Variants in LARGE1 observed in about 807,000 individuals in gnomAD.
LARGE1 encodes xylosyl- and glucuronyltransferase LARGE1.
A neutral mutation model predicts 87.6 loss-of-function variants in LARGE1; 43 were observed. That is an observed-to-expected ratio of 0.49 (90% confidence interval 0.38 to 0.63). The LOEUF (loss-of-function observed/expected upper bound fraction) is 0.63. Among genes scored for constraint, LARGE1 ranks in the 30% least tolerant of loss-of-function variants. The pLI is 0.00. For missense variants in LARGE1, 802 were observed against 1,000.2 expected (o/e 0.80, Z 2.67); for synonymous variants, 434 against 394.6 (o/e 1.10, Z -1.18).
chr22:33,285,668 T>C (rs62227561), intron 12 of LARGE1, among the ~76,000 whole-genome samples: 2,547 of 152,126 alleles, frequency 0.017, 38 homozygotes, highest in South Asian at 0.028. Flanking sequence ...CCTCCATTGC[T>C]GTATTATTAA....
At chr22:33,255,239 G>A (rs575709718) in intron 11 of LARGE1, among the ~76,000 whole-genome samples, 41 of 152,168 alleles carry the variant, frequency 2.7e-4, no homozygotes, top group Middle Eastern at 3.4e-3. Context: ...TGCCTGGCCC[G>A]GGAAGTAAAC....
chr22:33,603,120 C>T (rs534818271), intron 5 of LARGE1, among the ~76,000 whole-genome samples: 1 of 152,244 alleles, frequency 6.6e-6, no homozygotes, highest in East Asian at 1.9e-4. Flanking sequence ...CAAGACAATC[C>T]CCAAATGCTA....
intron 1 of LARGE1, among the ~76,000 whole-genome samples, chr22:33,843,431 C>A (rs140314285): frequency 9.0e-6 from 1 of 111,222 alleles, no homozygotes; most frequent in African/African-American, 4.4e-5. Context: ...AGCAAGACTC[C>A]CTCTCAAAAA....
At chr22:33,795,970 C>T (rs919330096) in intron 1 of LARGE1, among the ~76,000 whole-genome samples, 3 of 147,894 alleles carry the variant, frequency 2.0e-5, no homozygotes, top group Non-Finnish European at 4.4e-5. Flanking sequence ...GCATATTGTG[C>T]ACATGTACCC....
intron 7 of LARGE1, among the ~76,000 whole-genome samples, chr22:33,410,073 C>T (rs528416475): frequency 1.3e-5 from 2 of 152,118 alleles, no homozygotes; most frequent in South Asian, 4.2e-4. Context: ...ATAGGGATCA[C>T]CTGCTTGGTT....
chr22:33,247,824 G>A (rs550180063), intron 11 of LARGE1, among the ~76,000 whole-genome samples: 1 of 152,300 alleles, frequency 6.6e-6, no homozygotes, highest in East Asian at 1.9e-4. Flanking sequence ...TAGATAACCT[G>A]ACTGGTGCCT....
intron 6 of LARGE1, among the ~76,000 whole-genome samples, chr22:33,543,975 C>T (rs2077283896): frequency 6.6e-6 from 1 of 152,236 alleles, no homozygotes; most frequent in African/African-American, 2.4e-5. Context: ...TGCTTTCCTT[C>T]TGGGAGTCTA....
At chr22:33,126,172 C>CAA in the LARGE1 span, among the ~76,000 whole-genome samples, 1 of 152,166 alleles carries the variant, frequency 6.6e-6, no homozygotes, top group Non-Finnish European at 1.5e-5. Context: ...TATGTGGCTG[C>CAA]AAAGGATGGA....
At chr22:33,258,798 C>T (rs1029265860) in intron 11 of LARGE1, among the ~76,000 whole-genome samples, 6 of 151,974 alleles carry the variant, frequency 3.9e-5, no homozygotes, top group African/African-American at 1.2e-4. Flanking sequence ...GGGTCTGGAT[C>T]GGGACCCCTT....
At chr22:33,481,169 AAGG>A (rs2069305757) in intron 6 of LARGE1, among the ~76,000 whole-genome samples, 1 of 151,516 alleles carries the variant, frequency 6.6e-6, no homozygotes. Flanking sequence ...TTCTTCCAGC[AAGG>A]AGAAGTATTT....
At chr22:33,812,711 C>A (rs2086535032) in intron 1 of LARGE1, among the ~76,000 whole-genome samples, 1 of 152,194 alleles carries the variant, frequency 6.6e-6, no homozygotes, top group African/African-American at 2.4e-5. Flanking sequence ...TATTTCATTC[C>A]ATAAGCACAG....
chr22:33,875,604 C>A (rs1303879141), intron 1 of LARGE1, among the ~76,000 whole-genome samples: 5 of 152,242 alleles, frequency 3.3e-5, no homozygotes, highest in African/African-American at 1.2e-4. Context: ...AACCAACAGG[C>A]AGCAGCCCCA....
At chr22:33,168,508 G>A (rs1922393517) in intron 11 of LARGE1, among the ~76,000 whole-genome samples, 1 of 152,214 alleles carries the variant, frequency 6.6e-6, no homozygotes, top group Non-Finnish European at 1.5e-5. Context: ...TTTCCAATGA[G>A]AAAAATGTGC....
Position 33,245,300 on chromosome 22 carries a change from C to T in LARGE1, c.1730+58929G>A, listed in dbSNP as rs147477173. On this transcript the variant is annotated intron_variant, in intron 11 of 11. Coordinates refer to the LARGE1 transcript ENST00000608642. ...CTGTTGTGTTGGAGAATGACTCTCT[C>T]GTGGAGCTTTCCTGGGTGTTTTTCT... is the stretch of plus-strand genomic sequence containing the variant. 2.0e-4 allele frequency among the ~76,000 whole-genome samples: 31 copies of T among 152,272 alleles called. No homozygotes were observed. In the South Asian group the frequency reaches 2.7e-3, roughly 13 times the overall value.
intron 11 of LARGE1, among the ~76,000 whole-genome samples, chr22:33,311,310 G>A (rs1935566435): frequency 6.6e-6 from 1 of 152,134 alleles, no homozygotes. Flanking sequence ...CAGAAGGATG[G>A]ATCCCACTGG....
chr22:33,722,376 G>A lies in LARGE1; in HGVS notation c.106+38995C>T, dbSNP rs532129947. Reference sequence around the variant, plus strand: ...GAGAGGGAGAGAGAAGAAAGGAAAGGAAGGAAAGGAAGGAAAGAAGGGAGG... The same window carrying A: ...GAGAGGGAGAGAGAAGAAAGGAAAGAAAGGAAAGGAAGGAAAGAAGGGAGG... On this transcript the variant is annotated intron_variant, in intron 2 of 14. Transcript: ENST00000397394. 7.4e-3 allele frequency among the ~76,000 whole-genome samples: 1,115 copies of A among 150,226 alleles called. 9 individuals are homozygous for A. Among genetic ancestry groups the A allele is most frequent in the Non-Finnish European group, 0.013 (890 of 67,396 alleles).
At chr22:33,820,347 G>C (rs1035522464) in intron 1 of LARGE1, among the ~76,000 whole-genome samples, 7 of 151,746 alleles carry the variant, frequency 4.6e-5, no homozygotes, top group Admixed American at 3.3e-4. Context: ...TTAGAGACAG[G>C]GTCTCACTTT....
rs148043463 is a variant in LARGE1 at position 33,811,217 on chromosome 22, C to T, written c.-82-49659G>A. Among the ~76,000 whole-genome samples the T allele has an allele frequency of 8.2e-3, 1,249 of 152,262 alleles. 15 individuals carry two copies. The highest frequency in any genetic ancestry group is 0.029 in the African/African-American group (1,205 of 41,548). On this transcript the variant is annotated intron_variant, in intron 1 of 14. Coordinates refer to ENST00000397394, the MANE Select transcript of LARGE1 (RefSeq NM_133642.5). ...CAGCTGTGGTGGGGTCTGGTTTCAT[C>T]CCTACTGGTATTACTGTATTTCTTA...
At chr22:33,639,608 G>A (rs1017906158) in intron 3 of LARGE1, among the ~76,000 whole-genome samples, 3 of 152,146 alleles carry the variant, frequency 2.0e-5, no homozygotes, top group Admixed American at 6.5e-5. Flanking sequence ...TAACTGAATT[G>A]TCTAAGGTCA....
Sources: gnomAD v4.1 joint callset for allele counts (sites outside exome capture counted in the v4.1 genomes callset) on GRCh38, gnomAD v4.1.1 for gene constraint, MANE v1.5 for transcripts, NCBI Gene and HGNC (gene_info 2026-07-23, HGNC 2026-07-21) for gene names.